Variants in LUC7L3 observed in about 807,000 individuals in gnomAD.
LUC7L3 encodes the protein LUC7 like 3 pre-mRNA splicing factor, also known as luc7-like protein 3.
A neutral mutation model predicts 66.8 loss-of-function variants in LUC7L3; 6 were observed. The ratio of observed to expected loss-of-function variants is 0.09; its 90% CI spans 0.05 to 0.18. The LOEUF is 0.18. Among genes scored for constraint, LUC7L3 ranks in the 10% least tolerant of loss-of-function variants. The pLI, the probability that LUC7L3 is intolerant of heterozygous loss-of-function variation, is 1.00. For synonymous variants in LUC7L3, 160 were observed against 174.7 expected (o/e 0.92, Z 0.66); for missense variants, 341 against 531.1 (o/e 0.64, Z 3.52).
At chr17:50,722,165 A>AT (rs1460738071) in intron 1 of LUC7L3, 6 of 95,552 alleles carry the variant, frequency 6.3e-5, no homozygotes, top group Non-Finnish European at 1.3e-4. Flanking sequence ...CAGTATCTGC[A>AT]TTTTTTATGG....
chr17:50,726,715 AT>A (rs1442280396), intron 1 of LUC7L3, among the ~76,000 whole-genome samples: 2 of 152,104 alleles, frequency 1.3e-5, no homozygotes, highest in Non-Finnish European at 2.9e-5. Context: ...GTGTTTTCAC[AT>A]TTTTTTCTCT....
rs1391928568 is a variant in LUC7L3, at chr17:50,741,176, C to G, written c.281C>G (p.Ala94Gly). The part of the protein sequence containing the change: ...DFLRYLQSLL[A>G]EVERRIRRGH... ...TTGCGATACTTACAGAGCTTACTTGCAGAAGTAGAACGTAGGATCAGACGA... is the reference window on the plus strand; with the variant it reads ...TTGCGATACTTACAGAGCTTACTTGGAGAAGTAGAACGTAGGATCAGACGA... The change falls in exon 4 of 10, where the codon GCA (alanine) becomes GGA (glycine). Residue 94 changes from alanine to glycine, a missense_variant. By Grantham distance (60) the Ala-to-Gly change is moderately conservative. Around this residue, in one of 6 missense-constraint regions of LUC7L3, gnomAD observed 86 missense variants for 172.0 expected, o/e 0.50. Transcript: ENST00000505658. 6 of 1,613,972 alleles carry G rather than the reference C, an allele frequency of 3.7e-6. No homozygotes were observed. The highest frequency in any genetic ancestry group is 2.2e-5 in the East Asian group (1 of 44,894).
Position 50,740,286 on chromosome 17 carries a change from AATT to A in LUC7L3, c.167-17_167-15del. On this transcript the variant is annotated splice_polypyrimidine_tract_variant and intron_variant, in intron 2 of 9. Transcript: ENST00000505658. Reference sequence around the variant, plus strand: ...GCTAATAATCACAGATAATTTATACAATTATATTTTTTCCCCCAGGTCCGTGTG... The same window carrying A: ...GCTAATAATCACAGATAATTTATACAATATTTTTTCCCCCAGGTCCGTGTG... 6.4e-7 allele frequency: 1 copy of A among 1,570,606 alleles called. No homozygotes were observed.
chr17:50,746,703 G>T lies in LUC7L3; in HGVS notation c.1138+1G>T. 6.2e-7 allele frequency: 1 copy of T among 1,611,942 alleles called. No homozygotes were observed. The highest frequency in any genetic ancestry group is 8.5e-7 in the Non-Finnish European group (1 of 1,179,338). On this transcript the variant is annotated splice_donor_variant, in intron 9 of 9. Coordinates refer to ENST00000505658, the MANE Select transcript of LUC7L3 (RefSeq NM_016424.5). LOFTEE classifies it high-confidence loss of function. ...CAAGATAGAAAATCCAAGGAGAAAG[G>T]TTAGTTTATATGAGAATTCAGTTCA... is the stretch of plus-strand genomic sequence containing the variant.
In LUC7L3 at chr17:50,750,452, T is replaced by C. The variant is rs542167037; in HGVS notation, c.1139-49T>C. On this transcript the variant is annotated intron_variant, in intron 9 of 9. Coordinates refer to ENST00000505658, the MANE Select transcript of LUC7L3 (RefSeq NM_016424.5). Reference sequence around the variant, plus strand: ...TCACTTTTTTTCAAAATCATGTCTTTATTGTATTTTACTTTAAAATCCATG... The same window carrying C: ...TCACTTTTTTTCAAAATCATGTCTTCATTGTATTTTACTTTAAAATCCATG... 33 of 1,533,146 alleles carry C rather than the reference T, an allele frequency of 2.2e-5. 1 individual carries two copies. Among genetic ancestry groups the C allele is most frequent in the Non-Finnish European group, 2.7e-5 (31 of 1,129,714 alleles). The allele number at this position is 1,533,146 out of a possible 1,614,324, so 95.0% of individuals were successfully genotyped here. A position where few individuals can be genotyped will look rare whatever the true frequency, so the allele number is the denominator to read the frequency against.
At chr17:50,740,439 G>C (rs1227346279) in intron 3 of LUC7L3, 94 bp downstream of exon 3, 25 of 1,180,034 alleles carry the variant, frequency 2.1e-5, no homozygotes, top group Admixed American at 6.5e-5. Context: ...AATGTAAAAT[G>C]AGTGTCTGAG....
intron 1 of LUC7L3, chr17:50,722,423 A>AT (rs1968846869): frequency 1.3e-5 from 2 of 151,650 alleles, no homozygotes; most frequent in African/African-American, 4.8e-5. Context: ...GTCTCGATCT[A>AT]TTGACCTCGT....
intron 1 of LUC7L3, among the ~76,000 whole-genome samples, chr17:50,729,118 G>A (rs534217813): frequency 4.8e-4 from 73 of 152,064 alleles, no homozygotes; most frequent in Non-Finnish European, 8.8e-4. Flanking sequence ...TAACTAAAAA[G>A]ACCCAAAACA....
At chr17:50,743,867 C>T in intron 6 of LUC7L3, 57 bp downstream of exon 6, 2 of 1,264,158 alleles carry the variant, frequency 1.6e-6, no homozygotes, top group Non-Finnish European at 2.3e-6. Context: ...AGTAGGAACT[C>T]ATTTTTATTT....
At chr17:50,735,625 C>T (rs1416432440) in intron 1 of LUC7L3, among the ~76,000 whole-genome samples, 1 of 152,084 alleles carries the variant, frequency 6.6e-6, no homozygotes, top group Non-Finnish European at 1.5e-5. Flanking sequence ...TCTGCCTCAG[C>T]CTCCTGGGTA....
At chr17:50,743,482 AG>A (rs1356820408) in intron 5 of LUC7L3, among the ~76,000 whole-genome samples, 3 of 152,172 alleles carry the variant, frequency 2.0e-5, no homozygotes, top group African/African-American at 7.2e-5. Context: ...CTTGGATTAC[AG>A]GCATGAGCCA....
chr17:50,744,980 T>TTTTG (rs879515671), intron 7 of LUC7L3, among the ~76,000 whole-genome samples, 167 bp downstream of exon 7: 18 of 151,828 alleles, frequency 1.2e-4, no homozygotes, highest in East Asian at 5.8e-4. Context: ...CCTGGCTAAT[T>TTTTG]TTTGTTTGTT....
chr17:50,742,995 C>A (rs1597929437), intron 5 of LUC7L3, among the ~76,000 whole-genome samples: 1 of 152,206 alleles, frequency 6.6e-6, no homozygotes, highest in Middle Eastern at 3.4e-3. Context: ...CTCTATGACT[C>A]TATATAAAAT....
intron 8 of LUC7L3, 145 bp downstream of exon 8, chr17:50,746,148 T>A: frequency 7.7e-7 from 1 of 1,296,168 alleles, no homozygotes; most frequent in Non-Finnish European, 1.0e-6. Flanking sequence ...GCGGAATCAG[T>A]GAATAAAATA....
At chr17:50,745,004 A>G (rs919884634) in intron 7 of LUC7L3, among the ~76,000 whole-genome samples, 191 bp downstream of exon 7, 5 of 150,882 alleles carry the variant, frequency 3.3e-5, no homozygotes, top group East Asian at 3.9e-4. Context: ...TTGTTTGTTT[A>G]TTTTTGAGAC....
intron 2 of LUC7L3, among the ~76,000 whole-genome samples, chr17:50,738,770 T>G (rs1245447483): frequency 6.6e-6 from 1 of 152,110 alleles, no homozygotes; most frequent in Non-Finnish European, 1.5e-5. Context: ...AGGGAATTGC[T>G]TAAGAAAAAA....
intron 7 of LUC7L3, among the ~76,000 whole-genome samples, 167 bp downstream of exon 7, chr17:50,744,980 TTTTGTTTG>T (rs879515671): frequency 4.6e-5 from 7 of 151,708 alleles, no homozygotes; most frequent in African/African-American, 7.3e-5. Context: ...CCTGGCTAAT[TTTTGTTTG>T]TTTGTTTGTT....
chr17:50,742,447 C>G (rs980779866), intron 5 of LUC7L3, among the ~76,000 whole-genome samples: 1 of 152,094 alleles, frequency 6.6e-6, no homozygotes, highest in Non-Finnish European at 1.5e-5. Context: ...CAACCTCTGC[C>G]TCCCAGGTTC....
At chr17:50,730,148 T>C (rs1027498788) in intron 1 of LUC7L3, among the ~76,000 whole-genome samples, 2 of 151,314 alleles carry the variant, frequency 1.3e-5, no homozygotes, top group Non-Finnish European at 2.9e-5. Flanking sequence ...AATTTTTTTG[T>C]ATTGGTGGAG....
Sources: gnomAD v4.1 joint callset for allele counts (sites outside exome capture counted in the v4.1 genomes callset) on GRCh38, gnomAD v4.1.1 for gene constraint, gnomAD v4.1.1 regional missense constraint, MANE v1.5 for transcripts, NCBI Gene and HGNC (gene_info 2026-07-23, HGNC 2026-07-21) for gene names.